The following RCHY1 variants were observed in gnomAD, a reference collection of about 807,000 sequenced individuals.
RCHY1 encodes RING finger and CHY zinc finger domain-containing protein 1.
A neutral mutation model predicts 41.6 loss-of-function variants in RCHY1; 21 were observed. The ratio of observed to expected loss-of-function variants is 0.51; its 90% confidence interval spans 0.36 to 0.73. RCHY1 has a LOEUF of 0.73. Ranked by LOEUF, RCHY1 falls within the 30% of genes least tolerant of loss-of-function variation. The probability of loss-of-function intolerance (pLI) is 0.00; values close to 1 mark genes in which losing one functional copy is unlikely to be tolerated. For synonymous variants in RCHY1, 79 were observed against 102.9 expected (o/e 0.77, Z 1.41); for missense variants, 265 against 325.3 (o/e 0.81, Z 1.43).
intron 3 of RCHY1, among the ~76,000 whole-genome samples, chr4:75,501,947 A>G (rs1560525128): frequency 1.3e-5 from 2 of 151,992 alleles, no homozygotes; most frequent in African/African-American, 4.8e-5. Flanking sequence ...GCATGGTGGC[A>G]CATGCCTGTA....
intron 3 of RCHY1, among the ~76,000 whole-genome samples, chr4:75,499,575 A>G (rs1440049618): frequency 6.6e-6 from 1 of 152,234 alleles, no homozygotes; most frequent in Admixed American, 6.5e-5. Context: ...TACACTACGG[A>G]GTATTACTCA....
chr4:75,494,200 CA>C, intron 3 of RCHY1, 21 bp from the exon 4 acceptor site: 2 of 1,481,028 alleles, frequency 1.4e-6, no homozygotes, highest in Non-Finnish European at 1.8e-6. Context: ...ACATGAAAGC[CA>C]AAAGATTAGA....
rs1282348693 is a variant in RCHY1 at position 75,498,283 on chromosome 4, C to A, written c.327-4104G>T. Among the ~76,000 whole-genome samples the A allele has an allele frequency of 2.6e-5, 4 of 151,652 alleles. No homozygotes were observed. In the East Asian group the frequency reaches 7.7e-4, roughly 29 times the overall value. On this transcript the variant is annotated intron_variant, in intron 3 of 8. Coordinates refer to ENST00000324439, the MANE Select transcript of RCHY1 (RefSeq NM_015436.4). ...CTTCTGAGATTGAACCACAAAAAAA[C>A]CTCAATAAGCCAGTAACAAGTAATG...
At chr4:75,501,096 C>T (rs1009870879) in intron 3 of RCHY1, among the ~76,000 whole-genome samples, 4 of 152,112 alleles carry the variant, frequency 2.6e-5, no homozygotes, top group African/African-American at 4.8e-5. Context: ...TGCAACCTCC[C>T]GCCCACGGGT....
At chr4:75,490,003 G>T (rs1332653988) in intron 8 of RCHY1, among the ~76,000 whole-genome samples, 2 of 152,066 alleles carry the variant, frequency 1.3e-5, no homozygotes, top group African/African-American at 2.4e-5. Context: ...TTTTAGTGTG[G>T]ACAGTTTTTT....
chr4:75,486,916 T>C (rs537547248), intron 8 of RCHY1, among the ~76,000 whole-genome samples: 20 of 152,108 alleles, frequency 1.3e-4, no homozygotes, highest in African/African-American at 4.8e-4. Context: ...GAGGCAGAGG[T>C]TGCAGTGAGC....
At chr4:75,494,036 T>C (rs957472987) in intron 4 of RCHY1, 65 bp downstream of exon 4, 3 of 929,022 alleles carry the variant, frequency 3.2e-6, no homozygotes, top group African/African-American at 1.8e-5. Flanking sequence ...CAAAACATAT[T>C]AGAAGTTAAG....
At chr4:75,487,579 T>TAATATATTCATA (rs1560512629) in intron 8 of RCHY1, among the ~76,000 whole-genome samples, 4 of 29,180 alleles carry the variant, frequency 1.4e-4, no homozygotes, top group Admixed American at 4.9e-4. Flanking sequence ...TATATATTCA[T>TAATATATTCATA]ATATATATTC....
At chr4:75,495,890 T>C (rs1723158806) in intron 3 of RCHY1, among the ~76,000 whole-genome samples, 1 of 151,868 alleles carries the variant, frequency 6.6e-6, no homozygotes, top group East Asian at 1.9e-4. Context: ...TGTATAAATA[T>C]TTGTCTGTGT....
chr4:75,509,268 C>A lies in RCHY1; in HGVS notation c.119G>T (p.Cys40Phe). The stretch of plus-strand genomic sequence containing the variant: ...TTCATTGTTATCATGACACAAGCGG[C>A]AAGTATAAAGCTTGTCACAGCAAGG... ...KAPCCDKLYT[C>F]RLCHDNNEDH... Residue 40 changes from cysteine (C) to phenylalanine (F), a missense_variant, in exon 2 of 9, where the codon TGC (cysteine) becomes TTC (phenylalanine). Physicochemically the swap from Cys to Phe is radical, Grantham distance 205. Transcript: ENST00000324439. 6.2e-7 allele frequency: 1 copy of A among 1,612,968 alleles called. No individual in the cohort carries two copies. Among genetic ancestry groups the A allele is most frequent in the Non-Finnish European group, 8.5e-7 (1 of 1,179,394 alleles).
chr4:75,500,406 T>G (rs1398193257), intron 3 of RCHY1, among the ~76,000 whole-genome samples: 28 of 152,190 alleles, frequency 1.8e-4, no homozygotes. Context: ...AGGATATATG[T>G]TCATTACCAA....
chr4:75,500,882 C>T (rs2148752660), intron 3 of RCHY1, among the ~76,000 whole-genome samples: 1 of 152,118 alleles, frequency 6.6e-6, no homozygotes, highest in African/African-American at 2.4e-5. Flanking sequence ...GATTTTCAAA[C>T]AAAAATACAG....
At chr4:75,500,124 G>C (rs936957368) in intron 3 of RCHY1, among the ~76,000 whole-genome samples, 1 of 152,174 alleles carries the variant, frequency 6.6e-6, no homozygotes, top group Non-Finnish European at 1.5e-5. Context: ...CTGGGCAACA[G>C]AGCAAGACCC....
intron 3 of RCHY1, among the ~76,000 whole-genome samples, chr4:75,501,096 C>A (rs1009870879): frequency 6.6e-6 from 1 of 152,112 alleles, no homozygotes; most frequent in Non-Finnish European, 1.5e-5. Flanking sequence ...TGCAACCTCC[C>A]GCCCACGGGT....
chr4:75,489,767 T>C (rs1047962466), intron 8 of RCHY1, among the ~76,000 whole-genome samples: 4 of 152,206 alleles, frequency 2.6e-5, no homozygotes, highest in Non-Finnish European at 5.9e-5. Context: ...GTCCAATGAC[T>C]AAGAACAATC....
At position 75,482,536 on chromosome 4, in the gene RCHY1, C is replaced by T. The variant is rs140368119; in HGVS notation, c.*2G>A. 2.1e-5 allele frequency: 33 copies of T among 1,597,872 alleles called. No homozygotes were observed. The African/African-American group carries it at 2.7e-4, about 13-fold the overall frequency. On this transcript the variant is annotated 3_prime_UTR_variant, in exon 9 of 9. Coordinates refer to ENST00000324439, the MANE Select transcript of RCHY1 (RefSeq NM_015436.4). ...CAAGTTCTCCAGTACTGTGTAGGCT[C>T]GTCATTGCTGATCCAGTGAAATTCT...
intron 8 of RCHY1, among the ~76,000 whole-genome samples, chr4:75,483,025 T>C (rs1721649248): frequency 6.6e-6 from 1 of 152,148 alleles, no homozygotes; most frequent in Non-Finnish European, 1.5e-5. Context: ...TATTTTTCAG[T>C]CAGAAATGTA....
intron 3 of RCHY1, 199 bp from the exon 4 acceptor site, chr4:75,494,378 CTTTT>C (rs1207504245): frequency 4.6e-6 from 2 of 438,852 alleles, no homozygotes; most frequent in Non-Finnish European, 8.1e-6. Flanking sequence ...CCTTCTAGGG[CTTTT>C]TTTTCTTTTT....
Position 75,482,474 on chromosome 4 carries a change from G to T in RCHY1, c.*64C>A. ...CATAGATGACGACACATGATAACAC[G>T]ATACCAAGGAAAGCCTTTTTCTATA... is the stretch of plus-strand genomic sequence containing the variant. On this transcript the variant is annotated 3_prime_UTR_variant, in exon 9 of 9. Coordinates refer to ENST00000324439, the MANE Select transcript of RCHY1 (RefSeq NM_015436.4). 1 of 1,460,600 alleles carries T rather than the reference G, an allele frequency of 6.8e-7. No homozygotes were observed. Among genetic ancestry groups the T allele is most frequent in the Non-Finnish European group, 9.2e-7 (1 of 1,087,402 alleles). The allele number at this position is 1,460,600 out of a possible 1,614,324, so 90.5% of individuals were successfully genotyped here.
Sources: allele counts gnomAD v4.1 joint callset (sites outside exome capture counted in the v4.1 genomes callset), GRCh38; gene constraint gnomAD v4.1.1; transcripts MANE v1.5; gene names NCBI Gene and HGNC (gene_info 2026-07-23, HGNC 2026-07-21).